Variants in TMEM181 observed in about 807,000 individuals in gnomAD.
The protein encoded by TMEM181 is transmembrane protein 181, also known as G protein-coupled receptor 178.
TMEM181 carries 39 observed loss-of-function variants against 71.9 expected under a neutral mutation model. The ratio of observed to expected loss-of-function variants is 0.54; its 90% CI spans 0.42 to 0.71. The LOEUF is 0.71. Ranked by LOEUF, TMEM181 falls within the 30% of genes least tolerant of loss-of-function variation. TMEM181 has a pLI of 0.00. For missense variants in TMEM181, 595 were observed against 583.0 expected, an observed-to-expected ratio of 1.02 and a Z score of -0.21; for synonymous variants, 245 against 228.8, an observed-to-expected ratio of 1.07 and a Z score of -0.64.
At chr6:158,554,173 C>T (rs945443407) in intron 1 of TMEM181, among the ~76,000 whole-genome samples, 2 of 152,132 alleles carry the variant, frequency 1.3e-5, no homozygotes, top group African/African-American at 4.8e-5. Flanking sequence ...GCAACCTCCA[C>T]CTCCCAGGTT....
At chr6:158,630,468 G>A (rs1278221688) in intron 15 of TMEM181, among the ~76,000 whole-genome samples, 1 of 151,862 alleles carries the variant, frequency 6.6e-6, no homozygotes, top group African/African-American at 2.4e-5. Context: ...CTCCAACCTC[G>A]GTGACAGAAT....
intron 6 of TMEM181, among the ~76,000 whole-genome samples, chr6:158,603,852 A>C (rs1277534978): frequency 2.0e-5 from 3 of 152,082 alleles, no homozygotes; most frequent in Non-Finnish European, 4.4e-5. Flanking sequence ...GTTCAATGCC[A>C]GACATTATTG....
intron 1 of TMEM181, among the ~76,000 whole-genome samples, chr6:158,538,575 C>T (rs1189753388): frequency 3.3e-5 from 5 of 152,108 alleles, no homozygotes; most frequent in African/African-American, 4.8e-5. Context: ...GGTTAATCTC[C>T]ATCTTTATTC....
intron 7 of TMEM181, among the ~76,000 whole-genome samples, chr6:158,606,913 G>C (rs557796461): frequency 2.1e-4 from 32 of 152,360 alleles, no homozygotes; most frequent in African/African-American, 7.7e-4. Flanking sequence ...GTGGAAGTGG[G>C]CCTTGTTTTC....
At chr6:158,600,286 G>T (rs934199928) in intron 6 of TMEM181, among the ~76,000 whole-genome samples, 2 of 149,076 alleles carry the variant, frequency 1.3e-5, no homozygotes, top group South Asian at 2.2e-4. Flanking sequence ...CCTGCCTCAG[G>T]AGTAGCTGGG....
rs777071809 is a variant in TMEM181 at position 158,605,341 on chromosome 6, C to T, written c.567C>T (p.Ile189=). Residue 189 remains isoleucine (I), a synonymous_variant, in exon 7 of 17, where the codon ATC becomes ATT. Transcript: ENST00000684151. ...TTTTCTTTGTGGTGCTCACCTTCAT[C>T]GTCACTGTGAGTACCATTCGCCTGA... ...FRFFFVVLTF[I]VTCLFAHSLR... is the part of the protein sequence containing the mutation. 6 of 1,613,914 alleles carry T rather than the reference C, an allele frequency of 3.7e-6. No homozygotes were observed. The highest frequency in any genetic ancestry group is 2.2e-5 in the South Asian group (2 of 91,086).
chr6:158,601,518 C>G (rs543458520), intron 6 of TMEM181, among the ~76,000 whole-genome samples: 1 of 151,884 alleles, frequency 6.6e-6, no homozygotes, highest in Non-Finnish European at 1.5e-5. Context: ...CCCAGCACTT[C>G]GGGAGGCTGA....
At chr6:158,626,060 G>A (rs915978937) in intron 13 of TMEM181, among the ~76,000 whole-genome samples, 1 of 152,238 alleles carries the variant, frequency 6.6e-6, no homozygotes, top group Non-Finnish European at 1.5e-5. Flanking sequence ...CTGGAAGTAA[G>A]GGCACTGGGG....
At chr6:158,613,909 A>T (rs1401542069) in intron 10 of TMEM181, among the ~76,000 whole-genome samples, 3 of 152,216 alleles carry the variant, frequency 2.0e-5, no homozygotes, top group Non-Finnish European at 4.4e-5. Flanking sequence ...TAAAATAAGG[A>T]TTGGCAGTGT....
intron 1 of TMEM181, among the ~76,000 whole-genome samples, chr6:158,552,130 C>T (rs948597863): frequency 2.6e-5 from 4 of 152,156 alleles, no homozygotes; most frequent in Non-Finnish European, 5.9e-5. Context: ...AAAAGCTTAA[C>T]CCTTTTAAAG....
intron 7 of TMEM181, among the ~76,000 whole-genome samples, chr6:158,606,411 A>G (rs1784963386): frequency 6.6e-6 from 1 of 152,232 alleles, no homozygotes; most frequent in Non-Finnish European, 1.5e-5. Flanking sequence ...GCAGCCAGAA[A>G]CACTTGCTTC....
intron 6 of TMEM181, among the ~76,000 whole-genome samples, chr6:158,590,828 C>T (rs1384777488): frequency 1.3e-5 from 2 of 152,220 alleles, no homozygotes; most frequent in Non-Finnish European, 2.9e-5. Context: ...TTTTCATTGC[C>T]CCTTAAAGAA....
At position 158,632,146 on chromosome 6, in the gene TMEM181, G is replaced by A. The variant is rs575974845; in HGVS notation, c.*258G>A. 8 of 476,482 alleles carry A rather than the reference G, an allele frequency of 1.7e-5. No individual in the cohort carries two copies. Among genetic ancestry groups the A allele is most frequent in the East Asian group, 1.4e-4 (4 of 28,700 alleles). The allele number at this position is 476,482 out of a possible 1,614,324, so 29.5% of individuals were successfully genotyped here. A position where few individuals can be genotyped will look rare whatever the true frequency, so the allele number is the denominator to read the frequency against. ...ATCCTTTTTTACAGAGATTTCAGAT[G>A]AGCGTGTTTTCAGTGATGAGGAAAT... On this transcript the variant is annotated 3_prime_UTR_variant, in exon 17 of 17. Coordinates refer to ENST00000684151, the MANE Select transcript of TMEM181 (RefSeq NM_001376852.1).
In TMEM181 at chr6:158,589,658, C is replaced by G; in HGVS notation, c.382-14C>G. 1 of 1,600,922 alleles carries G rather than the reference C, an allele frequency of 6.2e-7. No homozygotes were observed. Among genetic ancestry groups the G allele is most frequent in the Non-Finnish European group, 8.6e-7 (1 of 1,168,096 alleles). ...TCGCTTTCTTTAAAGGCAAATCTTT[C>G]TGTGTATTTGCAGAAATGTGCGGAG... On this transcript the variant is annotated splice_polypyrimidine_tract_variant and intron_variant, in intron 5 of 16. Coordinates refer to ENST00000684151, the MANE Select transcript of TMEM181 (RefSeq NM_001376852.1).
At position 158,580,290 on chromosome 6, in the gene TMEM181, A is replaced by G. The variant is rs117487030; in HGVS notation, c.113-650A>G. On this transcript the variant is annotated intron_variant, in intron 2 of 16. Transcript: ENST00000684151. ...GGTGGTGGTGAGCTGAGACTGCGCTATTGCACTCCAGCCTGGGCAACAAGA... is the reference window on the plus strand; with the variant it reads ...GGTGGTGGTGAGCTGAGACTGCGCTGTTGCACTCCAGCCTGGGCAACAAGA... 4.6e-5 allele frequency among the ~76,000 whole-genome samples: 7 copies of G among 152,264 alleles called. No individual in the cohort carries two copies. In the East Asian group the frequency reaches 9.7e-4, roughly 21 times the overall value.
At chr6:158,569,430 C>CTGTCTTTT (rs1782683758) in intron 1 of TMEM181, among the ~76,000 whole-genome samples, 1 of 152,152 alleles carries the variant, frequency 6.6e-6, no homozygotes, top group Non-Finnish European at 1.5e-5. Flanking sequence ...GTTGTTTTCT[C>CTGTCTTTT]TGTCTTTTTT....
At chr6:158,606,395 G>C (rs1246872084) in intron 7 of TMEM181, among the ~76,000 whole-genome samples, 1 of 152,250 alleles carries the variant, frequency 6.6e-6, no homozygotes, top group Non-Finnish European at 1.5e-5. Flanking sequence ...TGTTATTTGT[G>C]TCTGGGCAGC....
intron 8 of TMEM181, 83 bp from the exon 9 acceptor site, chr6:158,608,250 T>C (rs950822069): frequency 1.9e-6 from 3 of 1,551,202 alleles, no homozygotes; most frequent in Non-Finnish European, 2.6e-6. Context: ...TGCTAGGTGC[T>C]GACCCCGCAG....
At chr6:158,588,337 C>A (rs559835166) in intron 5 of TMEM181, among the ~76,000 whole-genome samples, 2 of 152,342 alleles carry the variant, frequency 1.3e-5, no homozygotes, top group Admixed American at 1.3e-4. Flanking sequence ...CAGCCCCCTG[C>A]ACACTCCCCT....
Sources: gnomAD v4.1 joint callset for allele counts (sites outside exome capture counted in the v4.1 genomes callset) on GRCh38, gnomAD v4.1.1 for gene constraint, MANE v1.5 for transcripts, NCBI Gene and HGNC (gene_info 2026-07-23, HGNC 2026-07-21) for gene names.